STK17A: variants seen among roughly 807,000 people sequenced by gnomAD.
STK17A encodes the protein serine/threonine kinase 17a.
A neutral mutation model predicts 43.7 loss-of-function variants in STK17A; 26 were observed. That is an observed-to-expected ratio of 0.60 (90% confidence interval 0.44 to 0.83). The LOEUF (loss-of-function observed/expected upper bound fraction) is 0.83, where lower values mean the gene tolerates loss of function less well. Among genes scored for constraint, STK17A ranks in the 40% least tolerant of loss-of-function variants. The probability of loss-of-function intolerance (pLI) is 0.00; values close to 1 mark genes in which losing one functional copy is unlikely to be tolerated. For missense variants in STK17A, 476 were observed against 511.6 expected, an observed-to-expected ratio of 0.93 and a Z score of 0.67; for synonymous variants, 191 against 182.5, an observed-to-expected ratio of 1.05 and a Z score of -0.38.
intron 3 of STK17A, among the ~76,000 whole-genome samples, chr7:43,618,919 G>A (rs1288688384): frequency 2.0e-5 from 3 of 152,172 alleles, no homozygotes; most frequent in Admixed American, 2.0e-4. Flanking sequence ...ATGCAGAGTG[G>A]TGGGAGAAGA....
chr7:43,585,453 A>C (rs1278725540), intron 1 of STK17A, among the ~76,000 whole-genome samples: 1 of 151,638 alleles, frequency 6.6e-6, no homozygotes, highest in East Asian at 1.9e-4. Flanking sequence ...TAAGATTGTG[A>C]TATCTTCTAC....
intron 1 of STK17A, among the ~76,000 whole-genome samples, chr7:43,592,820 C>G (rs1033436843): frequency 6.6e-6 from 1 of 151,830 alleles, no homozygotes; most frequent in Non-Finnish European, 1.5e-5. Flanking sequence ...GAGCCGAGAT[C>G]GTGCCACTGC....
chr7:43,593,256 G>A (rs183921483), intron 1 of STK17A, among the ~76,000 whole-genome samples: 60 of 152,338 alleles, frequency 3.9e-4, no homozygotes, highest in African/African-American at 1.4e-3. Flanking sequence ...CTGTGTAGTA[G>A]TCCATGATAC....
chr7:43,619,996 G>A (rs1229610583), intron 4 of STK17A, among the ~76,000 whole-genome samples: 2 of 152,230 alleles, frequency 1.3e-5, no homozygotes, highest in Non-Finnish European at 2.9e-5. Flanking sequence ...TCTTAACAAA[G>A]TAGGATATTA....
At chr7:43,596,439 C>T (rs185529775) in intron 2 of STK17A, among the ~76,000 whole-genome samples, 331 of 152,284 alleles carry the variant, frequency 2.2e-3, no homozygotes, top group African/African-American at 7.2e-3. Context: ...CTTACATGTT[C>T]TTATAGTCTG....
intron 4 of STK17A, 127 bp downstream of exon 4, chr7:43,619,850 T>A: frequency 7.9e-7 from 1 of 1,261,990 alleles, no homozygotes; most frequent in Non-Finnish European, 1.1e-6. Flanking sequence ...ATCAGAGATC[T>A]ATTCCTTTGG....
At chr7:43,607,274 C>T (rs2152972520) in intron 2 of STK17A, among the ~76,000 whole-genome samples, 1 of 151,938 alleles carries the variant, frequency 6.6e-6, no homozygotes, top group East Asian at 1.9e-4. Context: ...AAAATTTTCA[C>T]AAAACTGTAG....
chr7:43,591,541 G>T (rs1010171688), intron 1 of STK17A, among the ~76,000 whole-genome samples: 1 of 151,454 alleles, frequency 6.6e-6, no homozygotes, highest in Non-Finnish European at 1.5e-5. Context: ...GGAAAGAAAA[G>T]AATAAATCTA....
chr7:43,584,391 G>A (rs1213491951), intron 1 of STK17A, among the ~76,000 whole-genome samples: 1 of 152,208 alleles, frequency 6.6e-6, no homozygotes, highest in Non-Finnish European at 1.5e-5. Flanking sequence ...CCGTAAAATC[G>A]TATAATGATG....
At chr7:43,615,098 CACTGA>C (rs1188185977) in intron 3 of STK17A, among the ~76,000 whole-genome samples, 1 of 152,198 alleles carries the variant, frequency 6.6e-6, no homozygotes, top group Non-Finnish European at 1.5e-5. Context: ...GAATATGTAT[CACTGA>C]ACCAAAGCCC....
At chr7:43,612,979 G>A (rs1583619186) in intron 3 of STK17A, among the ~76,000 whole-genome samples, 1 of 152,254 alleles carries the variant, frequency 6.6e-6, no homozygotes, top group African/African-American at 2.4e-5. Flanking sequence ...GGCAAAGTCA[G>A]AACAAAACCA....
rs959852379 is a variant in STK17A, at chr7:43,625,223, A to G, written c.*381A>G. On this transcript the variant is annotated 3_prime_UTR_variant, in exon 7 of 7. Transcript: ENST00000319357. ...TCTTGCATTATTCATATGTGTATCT[A>G]TATCTGCATAATGTTTGTTAATGTC... 3.1e-5 allele frequency: 5 copies of G among 160,282 alleles called. No homozygotes were observed. Among genetic ancestry groups the G allele is most frequent in the African/African-American group, 4.8e-5 (2 of 41,666 alleles). 9.9% of individuals were successfully genotyped at this position (160,282 alleles called of 1,614,324 possible).
chr7:43,624,160 CTG>C (rs1379692090), intron 6 of STK17A, among the ~76,000 whole-genome samples: 2 of 152,126 alleles, frequency 1.3e-5, no homozygotes. Context: ...ATTAGCAAAA[CTG>C]TATTATTGCA....
At chr7:43,617,622 G>C (rs1028156572) in intron 3 of STK17A, among the ~76,000 whole-genome samples, 12 of 152,096 alleles carry the variant, frequency 7.9e-5, no homozygotes, top group African/African-American at 2.9e-4. Context: ...GTCTGTTTTT[G>C]GTCATGTTGA....
At position 43,583,271 on chromosome 7, in the gene STK17A, G is replaced by T. The variant is rs904358428; in HGVS notation, c.28G>T (p.Gly10Cys). 21 of 1,545,218 alleles carry T rather than the reference G, an allele frequency of 1.4e-5. No individual in the cohort carries two copies. The East Asian group carries it at 5.7e-4, about 42-fold the overall frequency. The change falls in exon 1 of 7, where the codon GGC becomes TGC. Residue 10 changes from glycine (G) to cysteine (C), a missense_variant. By Grantham distance (159) the Gly-to-Cys change is radical. This residue lies in a region of STK17A where 320 missense variants were observed against 326.3 expected (regional missense o/e 0.98). Transcript: ENST00000319357. MIPLEKPGS[G>C]GSSPGATSGS... Reference sequence around the variant, plus strand: ...GATCCCTTTGGAGAAGCCAGGCAGCGGCGGCTCCTCCCCAGGCGCCACCTC... The same window carrying T: ...GATCCCTTTGGAGAAGCCAGGCAGCTGCGGCTCCTCCCCAGGCGCCACCTC...
intron 1 of STK17A, 43 bp from the exon 2 acceptor site, chr7:43,595,858 A>G (rs912418420): frequency 2.5e-6 from 4 of 1,577,958 alleles, no homozygotes; most frequent in Non-Finnish European, 3.5e-6. Flanking sequence ...CCATCTCTGG[A>G]AAGTTGTCAA....
chr7:43,616,145 C>T (rs574534763), intron 3 of STK17A, among the ~76,000 whole-genome samples: 25 of 152,222 alleles, frequency 1.6e-4, no homozygotes, highest in Non-Finnish European at 3.1e-4. Flanking sequence ...TTTTACCCTT[C>T]AGGGTCTGCT....
In STK17A at chr7:43,591,677, A is replaced by G. The variant is rs961993171; in HGVS notation, c.207-4224A>G. ...GGGTGAGGAGCATGAGCAACAGATG[A>G]ATAAGTATGGGGAAGAGGCCCCAGA... On this transcript the variant is annotated intron_variant, in intron 1 of 6. Coordinates refer to ENST00000319357, the MANE Select transcript of STK17A (RefSeq NM_004760.3). Among the ~76,000 whole-genome samples, 26 of 151,638 alleles carry G rather than the reference A, an allele frequency of 1.7e-4. 3 individuals are homozygous for G. Among genetic ancestry groups the G allele is most frequent in the Middle Eastern group, 3.4e-3 (1 of 294 alleles).
chr7:43,604,412 G>A (rs1189203713), intron 2 of STK17A, among the ~76,000 whole-genome samples: 3 of 152,040 alleles, frequency 2.0e-5, no homozygotes, highest in African/African-American at 7.2e-5. Flanking sequence ...AATTTTTTGA[G>A]TTGTTTTCCC....
Sources: gnomAD v4.1 joint callset for allele counts (sites outside exome capture counted in the v4.1 genomes callset) on GRCh38, gnomAD v4.1.1 for gene constraint, gnomAD v4.1.1 regional missense constraint, MANE v1.5 for transcripts, NCBI Gene and HGNC (gene_info 2026-07-23, HGNC 2026-07-21) for gene names.